The following GPD2 variants were observed in gnomAD, a reference collection of about 807,000 sequenced individuals.
GPD2 encodes glycerol-3-phosphate dehydrogenase 2.
GPD2 carries 54 observed loss-of-function variants against 82.4 expected under a neutral mutation model. The observed-to-expected ratio is 0.66, with a 90% CI of 0.53 to 0.82. GPD2 has a LOEUF of 0.82. GPD2 is among the 40% of genes least tolerant of loss of function. The probability of loss-of-function intolerance (pLI) is 0.00; values close to 1 mark genes in which losing one functional copy is unlikely to be tolerated. For missense variants in GPD2, 748 were observed against 896.2 expected (o/e 0.83, Z 2.11); for synonymous variants, 288 against 306.1 (o/e 0.94, Z 0.62).
intron 2 of GPD2, among the ~76,000 whole-genome samples, chr2:156,491,840 G>C (rs1205592626): frequency 3.3e-5 from 5 of 151,910 alleles, no homozygotes; most frequent in African/African-American, 9.7e-5. Context: ...GGCCAAGATA[G>C]TGAAACCTGT....
intron 2 of GPD2, among the ~76,000 whole-genome samples, chr2:156,487,853 CA>C (rs1269273140): frequency 1.3e-5 from 2 of 152,180 alleles, no homozygotes; most frequent in African/African-American, 4.8e-5. Context: ...CTCATATAGT[CA>C]ATTACGTTGT....
intron 6 of GPD2, among the ~76,000 whole-genome samples, chr2:156,536,722 C>T (rs1488100777): frequency 1.3e-5 from 2 of 152,204 alleles, no homozygotes; most frequent in Non-Finnish European, 2.9e-5. Context: ...ATCAGGCTTC[C>T]AGACCAAGGA....
chr2:156,422,519 A>G, the GPD2 span, among the ~76,000 whole-genome samples: 2 of 152,074 alleles, frequency 1.3e-5, no homozygotes, highest in African/African-American at 2.4e-5. Flanking sequence ...TCATGAGGTC[A>G]GGAGATCGAG....
At chr2:156,489,845 C>T (rs1465455234) in intron 2 of GPD2, among the ~76,000 whole-genome samples, 9 of 546 alleles carry the variant, frequency 0.016, no homozygotes, top group African/African-American at 0.057. Context: ...CCCTCCCCTC[C>T]CTTCCTTCTT....
chr2:156,476,142 G>A lies in GPD2; in HGVS notation c.37G>A (p.Val13Ile). Residue 13 changes from valine (V) to isoleucine (I), a missense_variant, in exon 2 of 17, where the codon GTT becomes ATT. Coordinates refer to ENST00000438166, the MANE Select transcript of GPD2 (RefSeq NM_000408.5). ...AAAGGCAGTGAAAGGGACGATTCTT[G>A]TTGGAGGAGGTGCTCTTGCAACTGT... ...FQKAVKGTIL[V>I]GGGALATVLG... The A allele has an allele frequency of 1.2e-6, 2 of 1,611,048 alleles. No individual in the cohort carries two copies. The highest frequency in any genetic ancestry group is 1.1e-5 in the South Asian group (1 of 91,012).
At chr2:156,559,889 GA>G (rs1353483111) in intron 9 of GPD2, among the ~76,000 whole-genome samples, 23 of 151,946 alleles carry the variant, frequency 1.5e-4, no homozygotes, top group African/African-American at 5.6e-4. Flanking sequence ...TGTGTTCTAG[GA>G]GGAGCTTCAA....
chr2:156,408,130 T>A, the GPD2 span, among the ~76,000 whole-genome samples: 1 of 151,794 alleles, frequency 6.6e-6, no homozygotes, highest in East Asian at 1.9e-4. Context: ...AATTTTTGTA[T>A]TTTTTGTAGA....
chr2:156,506,569 ACT>A (rs948297889), intron 3 of GPD2, among the ~76,000 whole-genome samples: 3 of 150,724 alleles, frequency 2.0e-5, no homozygotes, highest in African/African-American at 7.3e-5. Flanking sequence ...CCTGCCTCAC[ACT>A]CTGTCAATTT....
At chr2:156,523,195 T>C (rs1194565650) in intron 6 of GPD2, among the ~76,000 whole-genome samples, 1 of 152,166 alleles carries the variant, frequency 6.6e-6, no homozygotes, top group Non-Finnish European at 1.5e-5. Context: ...CACTGCCATA[T>C]CATACTGAAT....
At chr2:156,431,080 G>C (rs1188320343), upstream of GPD2, among the ~76,000 whole-genome samples, 1 of 152,246 alleles carries the variant, frequency 6.6e-6, no homozygotes, top group Non-Finnish European at 1.5e-5. Flanking sequence ...AAGCTTTTCA[G>C]ATTTTTGTGG....
At chr2:156,546,524 G>A (rs894363602) in intron 6 of GPD2, among the ~76,000 whole-genome samples, 1 of 152,164 alleles carries the variant, frequency 6.6e-6, no homozygotes, top group Non-Finnish European at 1.5e-5. Context: ...AGGGGTAGGG[G>A]AGGAGGAGGT....
the GPD2 span, among the ~76,000 whole-genome samples, chr2:156,427,039 C>T: frequency 3.9e-5 from 6 of 152,166 alleles, no homozygotes; most frequent in South Asian, 2.1e-4. Flanking sequence ...TCAATCAACC[C>T]CTGAGGGAGT....
At chr2:156,481,528 G>C (rs921021406) in intron 2 of GPD2, among the ~76,000 whole-genome samples, 2 of 151,130 alleles carry the variant, frequency 1.3e-5, no homozygotes, top group Non-Finnish European at 2.9e-5. Context: ...ATTTATTTTA[G>C]CTCCTAGATA....
intron 9 of GPD2, among the ~76,000 whole-genome samples, chr2:156,565,819 T>G (rs796493023): frequency 1.4e-5 from 2 of 145,244 alleles, no homozygotes; most frequent in African/African-American, 5.0e-5. Flanking sequence ...TTGCTTATAC[T>G]TGGTAAGGCA....
chr2:156,577,234 C>T (rs1687854620), intron 13 of GPD2, among the ~76,000 whole-genome samples: 1 of 152,150 alleles, frequency 6.6e-6, no homozygotes, highest in South Asian at 2.1e-4. Context: ...ATAATCCCAG[C>T]ACTTTGGAAA....
At chr2:156,576,577 A>G (rs979823454) in intron 13 of GPD2, among the ~76,000 whole-genome samples, 4 of 152,200 alleles carry the variant, frequency 2.6e-5, no homozygotes, top group African/African-American at 9.7e-5. Context: ...AAAACCTTCT[A>G]ATAATTGGAA....
intron 1 of GPD2, among the ~76,000 whole-genome samples, chr2:156,441,199 G>A (rs1368628276): frequency 6.6e-6 from 1 of 152,168 alleles, no homozygotes; most frequent in African/African-American, 2.4e-5. Context: ...CTTGCCCTGT[G>A]TACTTCTTCA....
intron 1 of GPD2, among the ~76,000 whole-genome samples, chr2:156,473,375 G>A (rs550995380): frequency 6.6e-6 from 1 of 152,172 alleles, no homozygotes; most frequent in Non-Finnish European, 1.5e-5. Context: ...TATCAGGTAG[G>A]CAGGGAACAT....
chr2:156,453,000 A>G (rs1682668499), intron 1 of GPD2, among the ~76,000 whole-genome samples: 1 of 152,222 alleles, frequency 6.6e-6, no homozygotes, highest in Non-Finnish European at 1.5e-5. Context: ...GGGGTGAAAC[A>G]GGTTTGGGAA....
Sources: gnomAD v4.1 joint callset for allele counts (sites outside exome capture counted in the v4.1 genomes callset) on GRCh38, gnomAD v4.1.1 for gene constraint, MANE v1.5 for transcripts, NCBI Gene and HGNC (gene_info 2026-07-23, HGNC 2026-07-21) for gene names.